The following CUX1 variants were observed in gnomAD, a reference collection of about 807,000 sequenced individuals.
CUX1 encodes the protein cut like homeobox 1, also known as protein CASP.
A neutral mutation model predicts 158.8 loss-of-function variants in CUX1; 31 were observed. The ratio of observed to expected loss-of-function variants is 0.20; its 90% CI spans 0.15 to 0.26. CUX1 has a LOEUF of 0.26. CUX1 is among the 10% of genes least tolerant of loss of function. The pLI, the probability that CUX1 is intolerant of heterozygous loss-of-function variation, is 1.00. For synonymous variants in CUX1, 879 were observed against 862.1 expected, an observed-to-expected ratio of 1.02 and a Z score of -0.34; for missense variants, 1,589 against 2,014.6, an observed-to-expected ratio of 0.79 and a Z score of 4.04.
chr7:102,021,573 GC>G lies in CUX1; in HGVS notation c.142-6524del, dbSNP rs1585306173. Among the ~76,000 whole-genome samples, 4 of 150,424 alleles carry G rather than the reference GC, an allele frequency of 2.7e-5. No individual in the cohort carries two copies. In the East Asian group the frequency reaches 7.8e-4, roughly 29 times the overall value. ...TCCTCCTGCCTTGGCCTCCCAAAGTGCTGGGATTACAGTTGTGAGCTACCAG... is the reference window on the plus strand; with the variant it reads ...TCCTCCTGCCTTGGCCTCCCAAAGTGTGGGATTACAGTTGTGAGCTACCAG... On this transcript the variant is annotated intron_variant, in intron 2 of 23. Coordinates refer to ENST00000292535, the MANE Select transcript of CUX1 (RefSeq NM_181552.4).
chr7:101,900,362 GCT>G (rs1802018499), intron 1 of CUX1, among the ~76,000 whole-genome samples: 1 of 152,208 alleles, frequency 6.6e-6, no homozygotes, highest in African/African-American at 2.4e-5. Flanking sequence ...TGCGACGCCC[GCT>G]CTCTCTGCCA....
chr7:102,040,599 G>T (rs1821951015), intron 3 of CUX1, among the ~76,000 whole-genome samples: 1 of 152,208 alleles, frequency 6.6e-6, no homozygotes, highest in Non-Finnish European at 1.5e-5. Flanking sequence ...AAATAAAGTT[G>T]GGTGAACTAC....
intron 3 of CUX1, among the ~76,000 whole-genome samples, chr7:102,041,715 C>A (rs1344867651): frequency 7.4e-6 from 1 of 136,052 alleles, no homozygotes; most frequent in Non-Finnish European, 1.5e-5. Context: ...GTCACCCAGG[C>A]TGGAGTGCAG....
chr7:102,006,817 G>A (rs1166591676), intron 2 of CUX1, among the ~76,000 whole-genome samples: 4 of 152,260 alleles, frequency 2.6e-5, no homozygotes, highest in East Asian at 1.9e-4. Context: ...TGCATCAGGC[G>A]TCACTGCCAA....
Position 102,254,960 on chromosome 7 carries a change from T to TGA in CUX1, c.*5919_*5920dup. 1.0e-6 allele frequency: 1 copy of TGA among 985,440 alleles called. No homozygotes were observed. Among genetic ancestry groups the TGA allele is most frequent in the South Asian group, 4.7e-5 (1 of 21,282 alleles). 61.0% of individuals were successfully genotyped at this position (985,440 alleles called of 1,614,324 possible). ...ATAAAGTTTAGAAAGATCCAGTCTG[T>TGA]GAAACCCTTAGAGATGGGCTGAAAG... On this transcript the variant is annotated 3_prime_UTR_variant, in exon 24 of 24. Coordinates refer to ENST00000292535, the MANE Select transcript of CUX1 (RefSeq NM_181552.4).
At chr7:102,152,680 C>T (rs1554503910) in intron 8 of CUX1, among the ~76,000 whole-genome samples, 1 of 152,238 alleles carries the variant, frequency 6.6e-6, no homozygotes, top group African/African-American at 2.4e-5. Context: ...GCATGAGCCA[C>T]TGCATCTGGC....
chr7:102,060,219 A>C (rs1413553236), intron 3 of CUX1, among the ~76,000 whole-genome samples: 2 of 151,172 alleles, frequency 1.3e-5, no homozygotes, highest in African/African-American at 4.9e-5. Context: ...CGGAGCTTGC[A>C]GTGAGCCGAG....
intron 2 of CUX1, among the ~76,000 whole-genome samples, chr7:101,971,681 G>T (rs1329183423): frequency 6.6e-6 from 1 of 152,172 alleles, no homozygotes; most frequent in African/African-American, 2.4e-5. Flanking sequence ...TCAAAACAAA[G>T]CATGTGTTGA....
intron 14 of CUX1, among the ~76,000 whole-genome samples, chr7:102,271,953 C>T (rs994170111): frequency 2.6e-5 from 4 of 152,164 alleles, no homozygotes; most frequent in African/African-American, 9.7e-5. Flanking sequence ...ACCTTGGAGG[C>T]GGAGGTTGCA....
At chr7:102,103,311 C>T (rs1242701078) in intron 5 of CUX1, among the ~76,000 whole-genome samples, 3 of 152,208 alleles carry the variant, frequency 2.0e-5, no homozygotes, top group African/African-American at 7.2e-5. Flanking sequence ...CCACCTAGCA[C>T]CACATGTTTC....
intron 2 of CUX1, among the ~76,000 whole-genome samples, chr7:101,973,792 G>C (rs1313539376): frequency 2.8e-5 from 4 of 142,264 alleles, no homozygotes; most frequent in African/African-American, 7.9e-5. Flanking sequence ...TTTTTGAGAC[G>C]GAGTCTCACA....
At chr7:102,219,572 C>T (rs1267080661) in intron 20 of CUX1, among the ~76,000 whole-genome samples, 1 of 152,244 alleles carries the variant, frequency 6.6e-6, no homozygotes, top group Admixed American at 6.5e-5. Flanking sequence ...CGGCCCCCCG[C>T]TGGCGTCAGG....
At chr7:102,278,044 C>T (rs373393100) in exon 18 of CUX1, 1 of 1,609,756 alleles carries the variant, frequency 6.2e-7, no homozygotes. Flanking sequence ...AGATCAAGTT[C>T]CTGCAGAGCT....
At chr7:101,929,310 T>C (rs1295955121) in intron 2 of CUX1, among the ~76,000 whole-genome samples, 1 of 152,248 alleles carries the variant, frequency 6.6e-6, no homozygotes, top group Non-Finnish European at 1.5e-5. Flanking sequence ...CATATGTGTC[T>C]AGAGAGTAAT....
chr7:102,217,389 G>A (rs1179266580), intron 20 of CUX1, among the ~76,000 whole-genome samples: 1 of 152,264 alleles, frequency 6.6e-6, no homozygotes, highest in Non-Finnish European at 1.5e-5. Context: ...CCGCCCGCGG[G>A]TGAGCTCTGG....
At chr7:102,158,508 C>T (rs373155551) in intron 8 of CUX1, 52 bp from the exon 9 acceptor site, 10 of 1,591,428 alleles carry the variant, frequency 6.3e-6, no homozygotes, top group East Asian at 2.2e-5. Flanking sequence ...TCAGTCACCC[C>T]CTGAGCCGGT....
chr7:102,034,553 G>A (rs1306127258), intron 3 of CUX1, among the ~76,000 whole-genome samples: 2 of 151,992 alleles, frequency 1.3e-5, no homozygotes, highest in East Asian at 3.9e-4. Flanking sequence ...AGGAGATCGA[G>A]ACCATCCTGG....
intron 9 of CUX1, among the ~76,000 whole-genome samples, chr7:102,168,923 C>CT (rs1191271149): frequency 1.2e-3 from 56 of 45,050 alleles, no homozygotes; most frequent in Non-Finnish European, 1.8e-3. Flanking sequence ...ATTTTCTTTT[C>CT]TTTTCTTTTA....
chr7:102,202,103 G>A lies in CUX1; in HGVS notation c.2806G>A (p.Glu936Lys). ...CCCCCCGCTGACCCCCGAGCAGTAC[G>A]AGGTCTACATGTACCAGGAGGTGGA... ...SVPPLTPEQYEVYMYQEVDTI... is the reference protein window; with the variant it reads ...SVPPLTPEQYKVYMYQEVDTI... Residue 936 changes from glutamate (E) to lysine (K), a missense_variant, in exon 18 of 24, where the codon GAG (glutamate) becomes AAG (lysine). Physicochemically the swap from Glu to Lys is moderately conservative, Grantham distance 56. Coordinates refer to ENST00000292535, the MANE Select transcript of CUX1 (RefSeq NM_181552.4). The A allele has an allele frequency of 6.2e-7, 1 of 1,614,132 alleles. No homozygotes were observed.
Sources: gnomAD v4.1 joint callset for allele counts (sites outside exome capture counted in the v4.1 genomes callset) on GRCh38, gnomAD v4.1.1 for gene constraint, MANE v1.5 for transcripts, NCBI Gene and HGNC (gene_info 2026-07-23, HGNC 2026-07-21) for gene names.